Variants in ERC2 observed in about 807,000 individuals in gnomAD.
The protein encoded by ERC2 is ERC protein 2.
A neutral mutation model predicts 114.8 loss-of-function variants in ERC2; 42 were observed. The observed-to-expected ratio is 0.37, with a 90% CI of 0.29 to 0.47. The LOEUF (loss-of-function observed/expected upper bound fraction) is 0.47, where lower values mean the gene tolerates loss of function less well. ERC2 is among the 20% of genes least tolerant of loss of function. ERC2 has a pLI of 0.99. For missense variants in ERC2, 939 were observed against 1,150.7 expected, an observed-to-expected ratio of 0.82 and a Z score of 2.66; for synonymous variants, 454 against 425.5, an observed-to-expected ratio of 1.07 and a Z score of -0.82.
intron 14 of ERC2, among the ~76,000 whole-genome samples, chr3:55,793,512 G>A (rs1471809098): frequency 1.3e-5 from 2 of 152,134 alleles, no homozygotes; most frequent in Non-Finnish European, 2.9e-5. Flanking sequence ...TTCTTTCACT[G>A]TTTAAAGTTT....
intron 16 of ERC2, among the ~76,000 whole-genome samples, chr3:55,696,116 T>A (rs1227179676): frequency 6.6e-6 from 1 of 152,038 alleles, no homozygotes; most frequent in Non-Finnish European, 1.5e-5. Context: ...GCAAGAAAAA[T>A]CATAGTGAAG....
chr3:55,530,923 C>T (rs749113892), intron 17 of ERC2, among the ~76,000 whole-genome samples: 3 of 152,194 alleles, frequency 2.0e-5, no homozygotes, highest in Non-Finnish European at 4.4e-5. Context: ...TCTAACAGGA[C>T]TATGAAGGAA....
intron 14 of ERC2, among the ~76,000 whole-genome samples, chr3:55,860,945 G>C (rs1311605220): frequency 1.3e-5 from 2 of 152,156 alleles, no homozygotes; most frequent in Non-Finnish European, 2.9e-5. Context: ...GACTACACGG[G>C]TTATTTCAGT....
chr3:55,911,268 C>T (rs1053594521), intron 13 of ERC2, among the ~76,000 whole-genome samples: 1 of 152,180 alleles, frequency 6.6e-6, no homozygotes, highest in Admixed American at 6.5e-5. Context: ...GCACTAAAAT[C>T]TAGAAGGCTT....
intron 13 of ERC2, among the ~76,000 whole-genome samples, chr3:55,924,005 A>C (rs2065601362): frequency 6.6e-6 from 1 of 152,070 alleles, no homozygotes; most frequent in African/African-American, 2.4e-5. Context: ...CATATTAAAA[A>C]CCTTATTATT....
intron 10 of ERC2, among the ~76,000 whole-genome samples, chr3:55,994,672 A>AAAAC (rs2071364096): frequency 6.7e-6 from 1 of 150,248 alleles, no homozygotes; most frequent in African/African-American, 2.4e-5. Context: ...AAAAAAAAAA[A>AAAAC]GCCTCCCTGA....
intron 1 of ERC2, among the ~76,000 whole-genome samples, chr3:56,449,383 C>T (rs72875358): frequency 1.5e-3 from 224 of 152,250 alleles, no homozygotes; most frequent in Non-Finnish European, 2.6e-3. Context: ...CTCCAGTGGA[C>T]GGTGCAGTCA....
Position 55,509,202 on chromosome 3 carries a change from T to C in ERC2, c.*2114A>G, listed in dbSNP as rs574712322. The C allele has an allele frequency of 1.3e-5, 2 of 152,470 alleles. No homozygotes were observed. The highest frequency in any genetic ancestry group is 2.1e-4 in the South Asian group (1 of 4,816). 9.4% of individuals were successfully genotyped at this position (152,470 alleles called of 1,614,324 possible). A position where few individuals can be genotyped will look rare whatever the true frequency, so the allele number is the denominator to read the frequency against. ...CAAGAGCTGTGACAAAATTGGCACA[T>C]ACATAGAAATAGCTAGCTATACATG... is the stretch of plus-strand genomic sequence containing the variant. On this transcript the variant is annotated 3_prime_UTR_variant, in exon 18 of 18. Transcript: ENST00000288221.
chr3:56,007,077 G>T, intron 10 of ERC2, 104 bp downstream of exon 10: 1 of 984,562 alleles, frequency 1.0e-6, no homozygotes, highest in Non-Finnish European at 1.5e-6. Context: ...TCAGCAGACA[G>T]CAACAGATAA....
At chr3:56,278,329 G>A (rs555991996) in intron 3 of ERC2, among the ~76,000 whole-genome samples, 134 of 152,316 alleles carry the variant, frequency 8.8e-4, no homozygotes, top group East Asian at 1.9e-3. Context: ...CCAATCATGC[G>A]AAGATATGGG....
intron 13 of ERC2, among the ~76,000 whole-genome samples, chr3:55,898,739 A>G (rs2063964391): frequency 6.6e-6 from 1 of 152,312 alleles, no homozygotes; most frequent in Admixed American, 6.5e-5. Flanking sequence ...TACATTTTCC[A>G]AAAGATGCAT....
intron 14 of ERC2, among the ~76,000 whole-genome samples, chr3:55,862,192 A>G (rs2062060309): frequency 6.6e-6 from 1 of 152,112 alleles, no homozygotes; most frequent in East Asian, 1.9e-4. Context: ...GTGTGTATAT[A>G]TATACATATA....
intron 13 of ERC2, among the ~76,000 whole-genome samples, chr3:55,900,761 C>T (rs2064091396): frequency 6.6e-6 from 1 of 152,102 alleles, no homozygotes; most frequent in South Asian, 2.1e-4. Context: ...CTCAAACACA[C>T]AGTAGATAGT....
intron 3 of ERC2, among the ~76,000 whole-genome samples, chr3:56,281,461 G>A (rs1403075890): frequency 4.2e-4 from 44 of 105,348 alleles, no homozygotes; most frequent in South Asian, 7.0e-4. Flanking sequence ...AAAAAAAAAA[G>A]TATAGAGGAC....
At chr3:56,373,491 A>G (rs2059426999) in intron 2 of ERC2, among the ~76,000 whole-genome samples, 1 of 152,234 alleles carries the variant, frequency 6.6e-6, no homozygotes, top group African/African-American at 2.4e-5. Context: ...TCACAAAAGC[A>G]TACTTAAGGC....
intron 12 of ERC2, among the ~76,000 whole-genome samples, chr3:55,983,755 T>C (rs1161515373): frequency 6.6e-6 from 1 of 152,170 alleles, no homozygotes; most frequent in Non-Finnish European, 1.5e-5. Flanking sequence ...TTTTCTAAAA[T>C]ACATGATATG....
intron 17 of ERC2, among the ~76,000 whole-genome samples, chr3:55,597,143 G>A (rs761928440): frequency 1.5e-4 from 23 of 152,150 alleles, no homozygotes; most frequent in Non-Finnish European, 2.9e-4. Context: ...TGATTTGGCC[G>A]GGCGCGGTGG....
At position 55,638,653 on chromosome 3, in the gene ERC2, C is replaced by T. The variant is rs112997988; in HGVS notation, c.*39+45141G>A. ...ATAAGAACAGGAACCAGAGTCCTTG[C>T]CCATCCCCCAAGTAAATACATTAAT... On this transcript the variant is annotated intron_variant, in intron 17 of 17. Coordinates refer to ENST00000288221, the MANE Select transcript of ERC2 (RefSeq NM_015576.3). Among the ~76,000 whole-genome samples the T allele has an allele frequency of 2.6e-3, 389 of 152,290 alleles. 1 individual carries two copies. The highest frequency in any genetic ancestry group is 4.3e-3 in the Non-Finnish European group (295 of 68,032).
chr3:56,083,044 G>A (rs776402256), intron 6 of ERC2, among the ~76,000 whole-genome samples: 1 of 152,150 alleles, frequency 6.6e-6, no homozygotes, highest in Non-Finnish European at 1.5e-5. Context: ...GTGCCAAAAA[G>A]GTTGGGGACT....
Sources: gnomAD v4.1 joint callset for allele counts (sites outside exome capture counted in the v4.1 genomes callset) on GRCh38, gnomAD v4.1.1 for gene constraint, MANE v1.5 for transcripts, NCBI Gene and HGNC (gene_info 2026-07-23, HGNC 2026-07-21) for gene names.